The following CDH18 variants were observed in gnomAD, a reference collection of about 807,000 sequenced individuals.
CDH18 encodes cadherin 18, also known as cadherin-18.
In CDH18, 31 loss-of-function variants were observed where a neutral mutation model predicts 67.9. The observed-to-expected ratio is 0.46, with a 90% CI of 0.34 to 0.62. CDH18 has a LOEUF of 0.62. Among genes scored for constraint, CDH18 ranks in the 20% least tolerant of loss-of-function variants. CDH18 has a pLI of 0.01. For synonymous variants in CDH18, 362 were observed against 347.2 expected (o/e 1.04, Z -0.48); for missense variants, 890 against 975.5 (o/e 0.91, Z 1.17).
At chr5:19,566,484 G>A (rs757611528) in intron 8 of CDH18, among the ~76,000 whole-genome samples, 5 of 152,192 alleles carry the variant, frequency 3.3e-5, no homozygotes, top group Non-Finnish European at 7.3e-5. Context: ...CACGTGGCTG[G>A]GGAGGCCTCA....
chr5:20,074,134 TC>T (rs1485818197), intron 2 of CDH18, among the ~76,000 whole-genome samples: 2 of 152,160 alleles, frequency 1.3e-5, no homozygotes, highest in African/African-American at 4.8e-5. Flanking sequence ...TATTAGGCTC[TC>T]TTTTTCAGTA....
chr5:19,504,996 G>C (rs948109999), intron 10 of CDH18, among the ~76,000 whole-genome samples: 22 of 152,010 alleles, frequency 1.4e-4, no homozygotes, highest in Admixed American at 1.4e-3. Flanking sequence ...TTACAAATAT[G>C]AGCTTATTAT....
chr5:19,884,221 C>T (rs1460122897), intron 2 of CDH18, among the ~76,000 whole-genome samples: 1 of 152,122 alleles, frequency 6.6e-6, no homozygotes, highest in Non-Finnish European at 1.5e-5. Context: ...AGGTCGCCTA[C>T]TTCAGCTCAT....
chr5:20,048,571 G>T (rs528247382), intron 2 of CDH18, among the ~76,000 whole-genome samples: 13 of 151,720 alleles, frequency 8.6e-5, no homozygotes, highest in Middle Eastern at 3.4e-3. Flanking sequence ...AGTGTTTCAA[G>T]TAACTTGGTG....
intron 6 of CDH18, among the ~76,000 whole-genome samples, chr5:19,604,273 G>T (rs1414702864): frequency 6.6e-6 from 1 of 151,754 alleles, no homozygotes; most frequent in East Asian, 1.9e-4. Context: ...TTACCCCAAG[G>T]CCCTATCTTA....
intron 2 of CDH18, among the ~76,000 whole-genome samples, chr5:20,100,259 T>C (rs1746341330): frequency 6.6e-6 from 1 of 152,188 alleles, no homozygotes. Flanking sequence ...TCTTATCTGT[T>C]CTTGTAATCA....
intron 2 of CDH18, among the ~76,000 whole-genome samples, chr5:20,173,184 A>G (rs1363479673): frequency 1.3e-5 from 2 of 152,176 alleles, no homozygotes; most frequent in African/African-American, 4.8e-5. Context: ...GGAGCTTATT[A>G]TCTAATGCAG....
chr5:19,996,671 C>G (rs1001790528), intron 2 of CDH18, among the ~76,000 whole-genome samples: 1 of 151,838 alleles, frequency 6.6e-6, no homozygotes, highest in Admixed American at 6.6e-5. Flanking sequence ...CATGTGGTTA[C>G]TAGAATGTTT....
chr5:19,822,154 C>A (rs184397035), intron 3 of CDH18, among the ~76,000 whole-genome samples: 1 of 152,224 alleles, frequency 6.6e-6, no homozygotes, highest in East Asian at 1.9e-4. Context: ...TCTAAACACT[C>A]TCACTTAAAA....
intron 1 of CDH18, among the ~76,000 whole-genome samples, chr5:20,482,063 AAG>A (rs1458525730): frequency 6.6e-6 from 1 of 151,892 alleles, no homozygotes; most frequent in Non-Finnish European, 1.5e-5. Context: ...AGTAAGAAAA[AAG>A]AGAGAAGAAT....
intron 1 of CDH18, among the ~76,000 whole-genome samples, chr5:20,510,570 CT>C (rs1218491766): frequency 6.6e-6 from 1 of 151,994 alleles, no homozygotes; most frequent in South Asian, 2.1e-4. Context: ...GAATCTCGGC[CT>C]TCACTTAAAT....
At chr5:19,627,756 T>C (rs1751775046) in intron 5 of CDH18, among the ~76,000 whole-genome samples, 1 of 152,138 alleles carries the variant, frequency 6.6e-6, no homozygotes, top group Non-Finnish European at 1.5e-5. Flanking sequence ...AAAGAAGTGA[T>C]AGAGAGGTCT....
chr5:20,473,122 A>T (rs1752200568), intron 1 of CDH18, among the ~76,000 whole-genome samples: 1 of 152,236 alleles, frequency 6.6e-6, no homozygotes, highest in Admixed American at 6.5e-5. Flanking sequence ...GATGAGTTTT[A>T]AAGATGAGAT....
chr5:19,492,893 G>T (rs1246951136), intron 11 of CDH18, among the ~76,000 whole-genome samples: 1 of 152,114 alleles, frequency 6.6e-6, no homozygotes, highest in East Asian at 1.9e-4. Flanking sequence ...ACTAAAGAAT[G>T]AATGTCAGAG....
chr5:19,496,750 T>C (rs1742399114), intron 11 of CDH18, among the ~76,000 whole-genome samples: 1 of 147,932 alleles, frequency 6.8e-6, no homozygotes. Flanking sequence ...AGGCGGAGGT[T>C]TCAGTGAGCT....
At chr5:20,193,021 T>C (rs1738671437) in intron 2 of CDH18, among the ~76,000 whole-genome samples, 1 of 152,098 alleles carries the variant, frequency 6.6e-6, no homozygotes, top group Non-Finnish European at 1.5e-5. Context: ...CCTCTCTTAT[T>C]TCCTTGAGCA....
chr5:19,794,845 C>T (rs763671571), intron 3 of CDH18, among the ~76,000 whole-genome samples: 21 of 152,022 alleles, frequency 1.4e-4, no homozygotes, highest in Non-Finnish European at 2.2e-4. Context: ...TTCCCTATTC[C>T]TTCCTGACAA....
Position 20,455,941 on chromosome 5 carries a change from T to A in CDH18, c.-580+119521A>T, listed in dbSNP as rs1320537579. Among the ~76,000 whole-genome samples, 3 of 152,134 alleles carry A rather than the reference T, an allele frequency of 2.0e-5. No homozygotes were observed. The East Asian group carries it at 5.8e-4, about 29-fold the overall frequency. The stretch of plus-strand genomic sequence containing the variant: ...ACCCTTTAAAAGATGAGTAATTTAC[T>A]CATTGGTAATCATGCAGCTGATAAC... On this transcript the variant is annotated intron_variant, in intron 1 of 14. Coordinates refer to the CDH18 transcript ENST00000507958.
At chr5:19,613,361 G>C (rs991912666) in intron 5 of CDH18, among the ~76,000 whole-genome samples, 1 of 152,098 alleles carries the variant, frequency 6.6e-6, no homozygotes, top group Non-Finnish European at 1.5e-5. Context: ...GAAAACATTT[G>C]AGGAGTTTGG....
Sources: allele counts gnomAD v4.1 joint callset (sites outside exome capture counted in the v4.1 genomes callset), GRCh38; gene constraint gnomAD v4.1.1; transcripts MANE v1.5; gene names NCBI Gene and HGNC (gene_info 2026-07-23, HGNC 2026-07-21).